The following GRIA1 variants were observed in gnomAD, a reference collection of about 807,000 sequenced individuals.
GRIA1 encodes glutamate ionotropic receptor AMPA type subunit 1, also known as glutamate receptor 1.
In GRIA1, 31 loss-of-function variants were observed where a neutral mutation model predicts 99.2. The ratio of observed to expected loss-of-function variants is 0.31; its 90% confidence interval spans 0.23 to 0.42. The LOEUF (loss-of-function observed/expected upper bound fraction) is 0.42, where lower values mean the gene tolerates loss of function less well. Ranked by LOEUF, GRIA1 falls within the 10% of genes least tolerant of loss-of-function variation. GRIA1 has a pLI of 1.00. For synonymous variants in GRIA1, 438 were observed against 432.4 expected (o/e 1.01, Z -0.16); for missense variants, 782 against 1,157.5 (o/e 0.68, Z 4.71).
intron 2 of GRIA1, among the ~76,000 whole-genome samples, chr5:153,598,238 G>A (rs1271095539): frequency 1.3e-5 from 2 of 151,860 alleles, no homozygotes; most frequent in East Asian, 3.9e-4. Flanking sequence ...AAACTACTTG[G>A]GGGAGGGAGA....
At chr5:153,733,114 G>A (rs1199653606) in intron 11 of GRIA1, among the ~76,000 whole-genome samples, 2 of 151,538 alleles carry the variant, frequency 1.3e-5, no homozygotes, top group Non-Finnish European at 1.5e-5. Flanking sequence ...TAAATAATTT[G>A]TTATTGGTTT....
At chr5:153,761,418 G>A (rs548027488) in intron 11 of GRIA1, among the ~76,000 whole-genome samples, 2 of 152,212 alleles carry the variant, frequency 1.3e-5, no homozygotes, top group South Asian at 4.2e-4. Context: ...ATGAAAAAGT[G>A]CTCCACATCA....
intron 11 of GRIA1, among the ~76,000 whole-genome samples, chr5:153,708,261 G>A (rs867544531): frequency 2.4e-4 from 37 of 152,180 alleles, no homozygotes; most frequent in Middle Eastern, 6.8e-3. Context: ...GAACAGGTCC[G>A]CGCATTCACG....
chr5:153,723,539 C>G (rs965365224), intron 11 of GRIA1, among the ~76,000 whole-genome samples: 3 of 152,210 alleles, frequency 2.0e-5, no homozygotes, highest in Non-Finnish European at 4.4e-5. Flanking sequence ...CACTCCCGCC[C>G]TAATACTGCG....
chr5:153,755,770 G>A (rs1347876334), intron 11 of GRIA1: 2 of 152,176 alleles, frequency 1.3e-5, no homozygotes, highest in African/African-American at 2.4e-5. Context: ...GCCATCCACA[G>A]GAAAAAAGTC....
In GRIA1 at chr5:153,630,655, G is replaced by C. The variant is rs1752887019; in HGVS notation, c.221-16273G>C. ...CCATGCTCAAAGCAGCTCTAGACCT[G>C]CACAGCACCCTCAAAGAAGCAAATC... is the stretch of plus-strand genomic sequence containing the variant. On this transcript the variant is annotated intron_variant, in intron 2 of 15. Coordinates refer to ENST00000285900, the MANE Select transcript of GRIA1 (RefSeq NM_000827.4). Among the ~76,000 whole-genome samples, 3 of 152,170 alleles carry C rather than the reference G, an allele frequency of 2.0e-5. No individual in the cohort carries two copies. In the South Asian group the frequency reaches 6.2e-4, roughly 32 times the overall value.
At chr5:153,690,890 C>G (rs940128640) in intron 8 of GRIA1, among the ~76,000 whole-genome samples, 1 of 152,176 alleles carries the variant, frequency 6.6e-6, no homozygotes, top group African/African-American at 2.4e-5. Context: ...ACTCAATCAG[C>G]CTCCTAACAA....
chr5:153,804,732 AATTTATTTATTT>A (rs201693712), intron 15 of GRIA1, among the ~76,000 whole-genome samples: 36 of 76,114 alleles, frequency 4.7e-4, no homozygotes, highest in African/African-American at 1.3e-3. Flanking sequence ...TTAATTAATT[AATTTATTTATTT>A]ATTTATTTAT....
At chr5:153,522,560 C>T (rs1385171350) in intron 2 of GRIA1, among the ~76,000 whole-genome samples, 1 of 152,100 alleles carries the variant, frequency 6.6e-6, no homozygotes, top group East Asian at 1.9e-4. Flanking sequence ...TGCTGCAAGT[C>T]CAACACAAAA....
At chr5:153,765,395 C>A (rs1316705175) in intron 12 of GRIA1, among the ~76,000 whole-genome samples, 1 of 152,126 alleles carries the variant, frequency 6.6e-6, no homozygotes, top group African/African-American at 2.4e-5. Context: ...AAACAAGGAA[C>A]AATCAGTGGA....
At chr5:153,739,458 G>A (rs138533370) in intron 11 of GRIA1, among the ~76,000 whole-genome samples, 14 of 152,278 alleles carry the variant, frequency 9.2e-5, no homozygotes, top group Non-Finnish European at 1.0e-4. Context: ...AATATCTGTT[G>A]AATAAATGTC....
intron 2 of GRIA1, among the ~76,000 whole-genome samples, chr5:153,599,836 T>C (rs1375527742): frequency 1.3e-5 from 2 of 151,274 alleles, no homozygotes; most frequent in African/African-American, 4.9e-5. Context: ...TAGTTAAAGA[T>C]CCAGAGAAAA....
intron 2 of GRIA1, among the ~76,000 whole-genome samples, chr5:153,519,671 C>T (rs1458766002): frequency 6.6e-6 from 1 of 152,088 alleles, no homozygotes. Context: ...TGACCCCATC[C>T]ACCTTGAGAA....
intron 2 of GRIA1, among the ~76,000 whole-genome samples, chr5:153,527,153 C>T (rs146092065): frequency 2.1e-3 from 314 of 152,252 alleles, no homozygotes; most frequent in African/African-American, 6.9e-3. Flanking sequence ...TCCTGAACTC[C>T]GCAATCTTGA....
chr5:153,757,278 C>G (rs1470311046), intron 11 of GRIA1, among the ~76,000 whole-genome samples: 1 of 151,772 alleles, frequency 6.6e-6, no homozygotes, highest in Non-Finnish European at 1.5e-5. Flanking sequence ...TGAAATAGAA[C>G]AAAGAAAGCT....
At position 153,595,755 on chromosome 5, in the gene GRIA1, T is replaced by G. The variant is rs983970253; in HGVS notation, c.221-51173T>G. On this transcript the variant is annotated intron_variant, in intron 2 of 15. Transcript: ENST00000285900. ...GTTAAATAATATAATATAATATATA[T>G]ATAATTAATATATATAATATAATGT... Among the ~76,000 whole-genome samples, 3 of 148,046 alleles carry G rather than the reference T, an allele frequency of 2.0e-5. No homozygotes were observed. In the Admixed American group the frequency reaches 2.0e-4, roughly 10 times the overall value.
intron 2 of GRIA1, among the ~76,000 whole-genome samples, chr5:153,631,640 C>T (rs79784956): frequency 0.18 from 26,986 of 152,042 alleles, 2,805 homozygotes; most frequent in Non-Finnish European, 0.24. Context: ...TTATAAGTGC[C>T]TTCAAGTTCC....
chr5:153,785,744 T>G (rs189204001), intron 13 of GRIA1, among the ~76,000 whole-genome samples: 31 of 152,332 alleles, frequency 2.0e-4, no homozygotes, highest in Middle Eastern at 3.4e-3. Context: ...TTTATCTAGC[T>G]CGTGAATTTC....
chr5:153,780,788 A>G (rs1764579705), intron 13 of GRIA1, among the ~76,000 whole-genome samples: 2 of 151,816 alleles, frequency 1.3e-5, no homozygotes, highest in African/African-American at 4.8e-5. Context: ...GGCCCTCCAC[A>G]CTCACCATCT....
Sources: allele counts gnomAD v4.1 joint callset (sites outside exome capture counted in the v4.1 genomes callset), GRCh38; gene constraint gnomAD v4.1.1; transcripts MANE v1.5; gene names NCBI Gene and HGNC (gene_info 2026-07-23, HGNC 2026-07-21).